The following NDUFA12 variants were observed in gnomAD, a reference collection of about 807,000 sequenced individuals.
NDUFA12 encodes NADH dehydrogenase [ubiquinone] 1 alpha subcomplex subunit 12.
A neutral mutation model predicts 20.3 loss-of-function variants in NDUFA12; 17 were observed. The observed-to-expected ratio is 0.84, with a 90% CI of 0.57 to 1.26. The LOEUF is 1.26. Ranked by LOEUF, NDUFA12 falls within the 50% of genes most tolerant of loss-of-function variation. The probability of loss-of-function intolerance (pLI) is 0.00; values close to 1 mark genes in which losing one functional copy is unlikely to be tolerated. For synonymous variants in NDUFA12, 72 were observed against 63.6 expected, an observed-to-expected ratio of 1.13 and a Z score of -0.63; for missense variants, 191 against 183.7, an observed-to-expected ratio of 1.04 and a Z score of -0.23.
chr12:94,991,512 G>A (rs910585756), intron 3 of NDUFA12, among the ~76,000 whole-genome samples: 10 of 151,742 alleles, frequency 6.6e-5, no homozygotes, highest in South Asian at 4.2e-4. Context: ...TGGATCACTC[G>A]GGGCCAGGAG....
chr12:94,991,358 A>G (rs1464677850), intron 3 of NDUFA12, among the ~76,000 whole-genome samples: 1 of 152,138 alleles, frequency 6.6e-6, no homozygotes, highest in East Asian at 1.9e-4. Flanking sequence ...GATAAAGAAC[A>G]CTTCCGTCAT....
intron 3 of NDUFA12, among the ~76,000 whole-genome samples, chr12:94,975,227 A>C (rs1874029330): frequency 6.6e-6 from 1 of 152,210 alleles, no homozygotes; most frequent in Non-Finnish European, 1.5e-5. Flanking sequence ...TAAAAGAAAC[A>C]GGGGAAAATA....
intron 2 of NDUFA12, chr12:94,997,207 GCACA>G (rs1565819411): frequency 1.9e-5 from 3 of 161,962 alleles, no homozygotes. Context: ...GCACACACAC[GCACA>G]CACATAGAGT....
intron 2 of NDUFA12, among the ~76,000 whole-genome samples, chr12:94,999,708 C>G (rs1407088429): frequency 6.6e-6 from 1 of 152,016 alleles, no homozygotes; most frequent in Non-Finnish European, 1.5e-5. Context: ...AAACAGTCAA[C>G]AAACCTATGA....
At chr12:94,996,938 C>A (rs1334943776) in intron 2 of NDUFA12, 1 of 396,270 alleles carries the variant, frequency 2.5e-6, no homozygotes, top group Non-Finnish European at 4.9e-6. Context: ...GATTAAGTCT[C>A]TTTGGTAAAG....
intron 3 of NDUFA12, among the ~76,000 whole-genome samples, chr12:94,984,344 C>T (rs182633945): frequency 6.6e-6 from 1 of 152,036 alleles, no homozygotes; most frequent in African/African-American, 2.4e-5. Flanking sequence ...AGCAAACGGC[C>T]GGGTGTGGTG....
chr12:94,986,722 G>A (rs1211457844), intron 3 of NDUFA12, among the ~76,000 whole-genome samples: 3 of 152,062 alleles, frequency 2.0e-5, no homozygotes, highest in Non-Finnish European at 4.4e-5. Context: ...AGCCCAGGAG[G>A]TTGAGGCTGG....
At chr12:94,996,381 C>T (rs1481946941) in intron 2 of NDUFA12, among the ~76,000 whole-genome samples, 1 of 147,464 alleles carries the variant, frequency 6.8e-6, no homozygotes, top group Non-Finnish European at 1.5e-5. Flanking sequence ...TCTATGTTGC[C>T]CAGGCTGGTC....
chr12:94,989,193 C>T (rs554193519), intron 3 of NDUFA12, among the ~76,000 whole-genome samples: 11 of 152,158 alleles, frequency 7.2e-5, no homozygotes, highest in Non-Finnish European at 1.5e-4. Flanking sequence ...TCTTGATTCC[C>T]ATGAGGCCCA....
chr12:94,999,759 T>A (rs111664184), intron 2 of NDUFA12, among the ~76,000 whole-genome samples: 1 of 152,156 alleles, frequency 6.6e-6, no homozygotes, highest in Non-Finnish European at 1.5e-5. Flanking sequence ...AAAATGCAAA[T>A]TAAAACCACA....
At chr12:94,983,121 T>G (rs568937480) in intron 3 of NDUFA12, among the ~76,000 whole-genome samples, 31 of 152,242 alleles carry the variant, frequency 2.0e-4, no homozygotes, top group African/African-American at 6.5e-4. Flanking sequence ...TCTCAGTAAC[T>G]GTACCTCTAG....
At chr12:94,993,283 G>C (rs1874706088) in intron 3 of NDUFA12, among the ~76,000 whole-genome samples, 1 of 88,720 alleles carries the variant, frequency 1.1e-5, no homozygotes, top group African/African-American at 3.5e-5. Context: ...GAGCCTAGGA[G>C]TTTGAGGCCA....
In NDUFA12 at chr12:94,980,071, C is replaced by G. The variant is rs538836352; in HGVS notation, c.258-8451G>C. ...GGCAACAATCAATACAACGAGGCTT[C>G]CCTGGCTGAAATACTCCTCTTTCTT... On this transcript the variant is annotated intron_variant, in intron 3 of 3. Transcript: ENST00000327772. 1.4e-4 allele frequency among the ~76,000 whole-genome samples: 21 copies of G among 152,262 alleles called. No homozygotes were observed. In the East Asian group the frequency reaches 4.0e-3, roughly 29 times the overall value.
Position 94,971,479 on chromosome 12 carries a change from C to T in NDUFA12, c.399G>A (p.Lys133=). The change falls in exon 4 of 4, where the codon AAG becomes AAA. Residue 133 remains lysine, a synonymous_variant. Transcript: ENST00000327772. ...TTGAAGGTGGGATCCACTCCTGAATCTTCTTTCTAGTGGTAGAATAAGGTA... is the reference window on the plus strand; with the variant it reads ...TTGAAGGTGGGATCCACTCCTGAATTTTCTTTCTAGTGGTAGAATAAGGTA... ...QYVPYSTTRK[K]IQEWIPPSTP... 1 of 1,609,464 alleles carries T rather than the reference C, an allele frequency of 6.2e-7. No individual in the cohort carries two copies. Among genetic ancestry groups the T allele is most frequent in the Non-Finnish European group, 8.5e-7 (1 of 1,175,650 alleles).
intron 3 of NDUFA12, among the ~76,000 whole-genome samples, chr12:94,991,430 G>GA (rs71075889): frequency 0.083 from 12,258 of 147,446 alleles, 569 homozygotes; most frequent in East Asian, 0.16. Flanking sequence ...AAAATTAATT[G>GA]AAAAAAAAAA....
At position 94,994,244 on chromosome 12, in the gene NDUFA12, C is replaced by A; in HGVS notation, c.183G>T (p.Trp61Cys). 2.5e-6 allele frequency: 4 copies of A among 1,614,130 alleles called. No individual in the cohort carries two copies. In the South Asian group the frequency reaches 3.3e-5, roughly 13 times the overall value. ...CATTCATTTCAGTAGTATATACAACCCATCGGTGACGGCCTGGGTGGGAAG... is the reference window on the plus strand; with the variant it reads ...CATTCATTTCAGTAGTATATACAACACATCGGTGACGGCCTGGGTGGGAAG... The part of the protein sequence containing the change: ...DNKQFFGRHR[W>C]VVYTTEMNGK... The change falls in exon 3 of 4, where the codon TGG (tryptophan) becomes TGT (cysteine). Residue 61 changes from tryptophan to cysteine, a missense_variant. Trp to Cys is a radical substitution (Grantham distance 215). Transcript: ENST00000327772.
intron 3 of NDUFA12, chr12:94,971,941 G>C (rs985681432): frequency 2.3e-6 from 1 of 430,388 alleles, no homozygotes; most frequent in Non-Finnish European, 4.3e-6. Flanking sequence ...CTTTCTTTTG[G>C]AGACAGGGTC....
intron 3 of NDUFA12, among the ~76,000 whole-genome samples, chr12:94,991,290 A>G (rs1198237042): frequency 6.6e-6 from 1 of 152,018 alleles, no homozygotes; most frequent in Admixed American, 6.6e-5. Flanking sequence ...AATAATATTA[A>G]TAATAATAAA....
chr12:94,994,144 A>G (rs1213973866), intron 3 of NDUFA12, 26 bp downstream of exon 3: 1 of 1,604,016 alleles, frequency 6.2e-7, no homozygotes, highest in Admixed American at 1.7e-5. Context: ...AAAAAGAAAG[A>G]CAAATAAAAT....
Sources: gnomAD v4.1 joint callset for allele counts (sites outside exome capture counted in the v4.1 genomes callset) on GRCh38, gnomAD v4.1.1 for gene constraint, MANE v1.5 for transcripts, NCBI Gene and HGNC (gene_info 2026-07-23, HGNC 2026-07-21) for gene names.